Variants in ARID2 observed in about 807,000 individuals in gnomAD.
ARID2 encodes AT-rich interactive domain-containing protein 2.
In ARID2, 32 loss-of-function variants were observed where a neutral mutation model predicts 184.6. The observed-to-expected ratio is 0.17, with a 90% CI of 0.13 to 0.23. The LOEUF (loss-of-function observed/expected upper bound fraction) is 0.23. ARID2 is among the 10% of genes least tolerant of loss of function. The probability of loss-of-function intolerance (pLI) is 1.00; values close to 1 mark genes in which losing one functional copy is unlikely to be tolerated. For missense variants in ARID2, 1,696 were observed against 2,197.6 expected, an observed-to-expected ratio of 0.77 and a Z score of 4.56; for synonymous variants, 836 against 772.6, an observed-to-expected ratio of 1.08 and a Z score of -1.36.
intron 6 of ARID2, among the ~76,000 whole-genome samples, chr12:45,826,060 A>G (rs1055175697): frequency 2.0e-5 from 3 of 152,088 alleles, no homozygotes; most frequent in Admixed American, 1.3e-4. Context: ...TTAAAGAGTT[A>G]TAGTTAGGCA....
At chr12:45,899,051 A>C (rs1186819087) in intron 20 of ARID2, among the ~76,000 whole-genome samples, 1 of 151,706 alleles carries the variant, frequency 6.6e-6, no homozygotes, top group Non-Finnish European at 1.5e-5. Flanking sequence ...AGGCAGGTGA[A>C]TCACGAGGTC....
At chr12:45,896,692 A>G (rs1041076861) in intron 20 of ARID2, among the ~76,000 whole-genome samples, 1 of 152,190 alleles carries the variant, frequency 6.6e-6, no homozygotes, top group Admixed American at 6.5e-5. Context: ...GGACTAATAC[A>G]AAGGCTAAAA....
At chr12:45,842,071 A>G (rs1565617857) in intron 11 of ARID2, 2 of 149,584 alleles carry the variant, frequency 1.3e-5, no homozygotes, top group African/African-American at 5.1e-5. Flanking sequence ...CAGCCTGGCA[A>G]CATAGTGAGA....
intron 16 of ARID2, among the ~76,000 whole-genome samples, chr12:45,868,104 T>C (rs977436183): frequency 1.3e-5 from 2 of 152,180 alleles, no homozygotes; most frequent in Non-Finnish European, 2.9e-5. Context: ...TCATTCTTTA[T>C]TGCCCTTCCT....
At chr12:45,777,004 C>G (rs941838460) in intron 3 of ARID2, among the ~76,000 whole-genome samples, 1 of 150,968 alleles carries the variant, frequency 6.6e-6, no homozygotes, top group Admixed American at 6.6e-5. Flanking sequence ...GTTGGCCAGG[C>G]TGGTCTCAAA....
At position 45,852,505 on chromosome 12, in the gene ARID2, C is replaced by T. The variant is rs1943572989; in HGVS notation, c.4382C>T (p.Pro1461Leu). The part of the protein sequence containing the change: ...PLASSLNSDV[P>L]QQRPSVVVSP... ...GCTTCAAGTTTGAATTCAGATGTGC[C>T]TCAGCAACGCCCAAGTGTAGTTGTC... Residue 1461 changes from proline to leucine, a missense_variant, in exon 15 of 21, where the codon CCT (proline) becomes CTT (leucine). By Grantham distance (98) the Pro-to-Leu change is moderately conservative. Coordinates refer to ENST00000334344, the MANE Select transcript of ARID2 (RefSeq NM_152641.4). 1 of 1,614,124 alleles carries T rather than the reference C, an allele frequency of 6.2e-7. No individual in the cohort carries two copies. Among genetic ancestry groups the T allele is most frequent in the Non-Finnish European group, 8.5e-7 (1 of 1,180,006 alleles).
chr12:45,877,874 T>G (rs1374358247), intron 16 of ARID2, among the ~76,000 whole-genome samples: 1 of 152,234 alleles, frequency 6.6e-6, no homozygotes, highest in African/African-American at 2.4e-5. Context: ...ATTTTCCTTC[T>G]CTGAAGATCT....
rs137902006 is a variant in ARID2, at chr12:45,799,788, G to A, written c.285-11630G>A. 2.3e-3 allele frequency among the ~76,000 whole-genome samples: 344 copies of A among 152,154 alleles called. 2 individuals are homozygous for A. The highest frequency in any genetic ancestry group is 8.0e-3 in the African/African-American group (334 of 41,518). ...ATAGAAAACAAAATGAAAGAACAAA[G>A]CAACACATTACATAAATTACCCCAT... On this transcript the variant is annotated intron_variant, in intron 3 of 20. Transcript: ENST00000334344.
At chr12:45,841,179 A>C (rs763198851) in intron 11 of ARID2, 2 of 152,228 alleles carry the variant, frequency 1.3e-5, no homozygotes, top group Non-Finnish European at 2.9e-5. Context: ...ATAAAATGTC[A>C]GTGAATACTC....
At chr12:45,798,374 GA>G (rs1362193406) in intron 3 of ARID2, among the ~76,000 whole-genome samples, 1 of 152,180 alleles carries the variant, frequency 6.6e-6, no homozygotes, top group Non-Finnish European at 1.5e-5. Flanking sequence ...GCTAATTTCA[GA>G]AGAGATATTT....
rs2138177369 is a variant in ARID2 at position 45,852,268 on chromosome 12, C to G, written c.4145C>G (p.Ser1382Cys). 27 of 1,614,086 alleles carry G rather than the reference C, an allele frequency of 1.7e-5. No homozygotes were observed. The highest frequency in any genetic ancestry group is 2.3e-5 in the Non-Finnish European group (27 of 1,179,996). ...AAAAACATTCCAAATCATAAAACTT[C>G]CAATCATGTAGGAAATGGTGAGATA... is the stretch of plus-strand genomic sequence containing the variant. Reference protein sequence around the residue: ...LSKNIPNHKTSNHVGNGEISP... With the variant: ...LSKNIPNHKTCNHVGNGEISP... The change falls in exon 15 of 21, where the codon TCC (serine) becomes TGC (cysteine). Residue 1382 changes from serine (S) to cysteine (C), a missense_variant. By Grantham distance (112) the Ser-to-Cys change is moderately radical (BLOSUM62 -1). Coordinates refer to ENST00000334344, the MANE Select transcript of ARID2 (RefSeq NM_152641.4).
chr12:45,818,241 A>T (rs1424929308), intron 5 of ARID2, among the ~76,000 whole-genome samples: 1 of 152,162 alleles, frequency 6.6e-6, no homozygotes, highest in East Asian at 1.9e-4. Context: ...TATAATTTTT[A>T]ACTAAAACAT....
At chr12:45,852,987 C>G in intron 15 of ARID2, 91 bp downstream of exon 15, 1 of 1,429,110 alleles carries the variant, frequency 7.0e-7, no homozygotes, top group Non-Finnish European at 9.1e-7. Flanking sequence ...CATGTCTCAT[C>G]TTGAAAAGTT....
rs2138131276 is a variant in ARID2, at chr12:45,837,486, T to C, written c.1121-12T>C. 1.2e-6 allele frequency: 2 copies of C among 1,613,572 alleles called. No homozygotes were observed. The highest frequency in any genetic ancestry group is 1.7e-5 in the Admixed American group (1 of 60,000). On this transcript the variant is annotated splice_polypyrimidine_tract_variant and intron_variant, in intron 9 of 20. Transcript: ENST00000334344. ...ATCATTTCTTAGTAATACATATTTG[T>C]ATGTTTTTCAGGCATGGAAATTTTG...
chr12:45,836,232 T>TG (rs1943218261), intron 6 of ARID2, among the ~76,000 whole-genome samples: 1 of 152,184 alleles, frequency 6.6e-6, no homozygotes, highest in Admixed American at 6.5e-5. Flanking sequence ...AATTTTGAGA[T>TG]GGGGTCTCAC....
chr12:45,817,999 C>G, intron 5 of ARID2, 111 bp downstream of exon 5: 1 of 784,536 alleles, frequency 1.3e-6, no homozygotes, highest in Non-Finnish European at 1.9e-6. Flanking sequence ...TCTTTATTTT[C>G]TGTTTTTATA....
rs183246393 is a variant in ARID2, at chr12:45,803,869, C to T, written c.285-7549C>T. Among the ~76,000 whole-genome samples, 181 of 152,268 alleles carry T rather than the reference C, an allele frequency of 1.2e-3. 1 individual carries two copies. Among genetic ancestry groups the T allele is most frequent in the Non-Finnish European group, 2.3e-3 (154 of 67,998 alleles). ...TTTAAGTTGACTTAACCTAGACACA[C>T]GCAGACATTAGTAAATAGAAAATAA... On this transcript the variant is annotated intron_variant, in intron 3 of 20. Coordinates refer to ENST00000334344, the MANE Select transcript of ARID2 (RefSeq NM_152641.4).
At chr12:45,765,446 A>G (rs577974724) in intron 3 of ARID2, among the ~76,000 whole-genome samples, 21 of 151,810 alleles carry the variant, frequency 1.4e-4, no homozygotes, top group Admixed American at 9.8e-4. Context: ...CCTGGGCTCA[A>G]GTGATCCTCC....
rs1173304637 is a variant in ARID2 at position 45,786,811 on chromosome 12, TA to T, written c.285-24601del. On this transcript the variant is annotated intron_variant, in intron 3 of 20. Transcript: ENST00000334344. The stretch of plus-strand genomic sequence containing the variant: ...TGCACAGTGTAATACTATTCAGCCG[TA>T]AAAAAGAACAAAATCCTGTCATTTG... Among the ~76,000 whole-genome samples the T allele has an allele frequency of 2.0e-5, 3 of 152,236 alleles. No individual in the cohort carries two copies. The East Asian group carries it at 5.8e-4, about 29-fold the overall frequency.
Sources: allele counts gnomAD v4.1 joint callset (sites outside exome capture counted in the v4.1 genomes callset), GRCh38; gene constraint gnomAD v4.1.1; transcripts MANE v1.5; gene names NCBI Gene and HGNC (gene_info 2026-07-23, HGNC 2026-07-21).